The following SYTL3 variants were observed in gnomAD, a reference collection of about 807,000 sequenced individuals.
SYTL3 encodes the protein synaptotagmin like 3, also known as synaptotagmin-like protein 3.
A neutral mutation model predicts 82.1 loss-of-function variants in SYTL3; 88 were observed. The observed-to-expected ratio is 1.07, with a 90% CI of 0.90 to 1.28. The LOEUF is 1.28. SYTL3 is among the 50% of genes most tolerant of loss of function. SYTL3 has a pLI of 0.00. For missense variants in SYTL3, 831 were observed against 757.6 expected (o/e 1.10, Z -1.14); for synonymous variants, 311 against 289.4 (o/e 1.07, Z -0.76).
chr6:158,654,540 A>G (rs1438092152), intron 2 of SYTL3, among the ~76,000 whole-genome samples: 3 of 151,926 alleles, frequency 2.0e-5, no homozygotes, highest in Non-Finnish European at 2.9e-5. Flanking sequence ...TTAACTTCCT[A>G]CTCTTGGGCC....
At chr6:158,660,580 C>T (rs1329683940) in intron 2 of SYTL3, among the ~76,000 whole-genome samples, 11 of 152,160 alleles carry the variant, frequency 7.2e-5, no homozygotes, top group East Asian at 3.9e-4. Context: ...TATGAGCGAG[C>T]GGTTGAGTAT....
intron 9 of SYTL3, among the ~76,000 whole-genome samples, chr6:158,717,725 T>A (rs1783587197): frequency 6.6e-6 from 1 of 152,126 alleles, no homozygotes; most frequent in African/African-American, 2.4e-5. Flanking sequence ...AGCCGGCTTG[T>A]TTGGTAGGCT....
chr6:158,744,206 C>T (rs1787294343), intron 11 of SYTL3, among the ~76,000 whole-genome samples: 1 of 151,594 alleles, frequency 6.6e-6, no homozygotes, highest in Non-Finnish European at 1.5e-5. Flanking sequence ...GGTGAGCCAC[C>T]ACGCCTGGTC....
chr6:158,672,585 C>G (rs1036606492), intron 5 of SYTL3, among the ~76,000 whole-genome samples: 2 of 144,880 alleles, frequency 1.4e-5, no homozygotes, highest in Non-Finnish European at 3.0e-5. Flanking sequence ...GAGACTGCAG[C>G]CTTATTCTCT....
chr6:158,718,161 CAG>C lies in SYTL3; in HGVS notation c.672_673del (p.Gln224HisfsTer8). The C allele has an allele frequency of 6.5e-7, 1 of 1,546,134 alleles. No homozygotes were observed. Among genetic ancestry groups the C allele is most frequent in the Non-Finnish European group, 8.7e-7 (1 of 1,144,792 alleles). ...LATGPRQCVG[Q>X]TERRSQSDTA... ...CACGGGCCCCAGGCAGTGTGTGGGA[CAG>C]ACAGAGAGACGGAGCCAGTCTGACA... On this transcript the variant is annotated frameshift_variant, in exon 10 of 18. Coordinates refer to ENST00000611299, the MANE Select transcript of SYTL3 (RefSeq NM_001242394.2). LOFTEE classifies it high-confidence loss of function.
intron 15 of SYTL3, among the ~76,000 whole-genome samples, chr6:158,761,794 C>G (rs1790009913): frequency 6.6e-6 from 1 of 152,214 alleles, no homozygotes; most frequent in African/African-American, 2.4e-5. Context: ...TAGACTCAAA[C>G]TTCGGCATCT....
At chr6:158,706,249 C>T (rs1782077780) in intron 6 of SYTL3, among the ~76,000 whole-genome samples, 1 of 152,144 alleles carries the variant, frequency 6.6e-6, no homozygotes. Context: ...CCTGCACTCG[C>T]TATGGCCAGC....
chr6:158,653,653 GA>G (rs1283918853), intron 2 of SYTL3, among the ~76,000 whole-genome samples: 1 of 152,204 alleles, frequency 6.6e-6, no homozygotes, highest in African/African-American at 2.4e-5. Flanking sequence ...ACTTCTCAAG[GA>G]AATAGCTGTG....
intron 6 of SYTL3, among the ~76,000 whole-genome samples, chr6:158,698,573 C>A (rs1374564645): frequency 6.6e-6 from 1 of 152,090 alleles, no homozygotes; most frequent in African/African-American, 2.4e-5. Context: ...CACTCTAACC[C>A]CTGGTTTTGC....
chr6:158,739,491 T>C (rs890321781), intron 11 of SYTL3, among the ~76,000 whole-genome samples: 2 of 152,220 alleles, frequency 1.3e-5, no homozygotes, highest in African/African-American at 2.4e-5. Flanking sequence ...TCTTCAAATA[T>C]AGCTTCTGCC....
chr6:158,753,900 C>T (rs1047623114), intron 13 of SYTL3, among the ~76,000 whole-genome samples: 6 of 151,616 alleles, frequency 4.0e-5, no homozygotes, highest in East Asian at 1.9e-4. Context: ...TTAAAATAAT[C>T]GGCATCTCTA....
chr6:158,695,211 A>T (rs1478604519), intron 6 of SYTL3, among the ~76,000 whole-genome samples: 1 of 152,238 alleles, frequency 6.6e-6, no homozygotes, highest in African/African-American at 2.4e-5. Flanking sequence ...CAAAAAATTT[A>T]CAGAAAAAGT....
chr6:158,717,151 G>A (rs1783516101), intron 9 of SYTL3, among the ~76,000 whole-genome samples: 1 of 151,626 alleles, frequency 6.6e-6, no homozygotes, highest in Non-Finnish European at 1.5e-5. Flanking sequence ...ACACACACCT[G>A]TAATCCCAGC....
Position 158,706,010 on chromosome 6 carries a change from G to A in SYTL3, c.395-1220G>A, listed in dbSNP as rs534242236. Among the ~76,000 whole-genome samples, 9 of 152,250 alleles carry A rather than the reference G, an allele frequency of 5.9e-5. No individual in the cohort carries two copies. In the South Asian group the frequency reaches 1.4e-3, roughly 25 times the overall value. ...GTTTTCTCTCAGGGGGCTCCTGCAG[G>A]TGCTAGCTTTGGTCCCTGACCAGCT... is the stretch of plus-strand genomic sequence containing the variant. On this transcript the variant is annotated intron_variant, in intron 6 of 17. Coordinates refer to ENST00000611299, the MANE Select transcript of SYTL3 (RefSeq NM_001242394.2).
At chr6:158,672,358 T>C (rs1205852064) in intron 5 of SYTL3, among the ~76,000 whole-genome samples, 1 of 152,070 alleles carries the variant, frequency 6.6e-6, no homozygotes. Context: ...TATTTGAGAG[T>C]TGCTTTCCGT....
At chr6:158,731,770 T>C (rs1785451199) in intron 11 of SYTL3, among the ~76,000 whole-genome samples, 1 of 152,086 alleles carries the variant, frequency 6.6e-6, no homozygotes, top group South Asian at 2.1e-4. Context: ...ATTTTTTGTA[T>C]TTTTAGTAGA....
rs200432333 is a variant in SYTL3, at chr6:158,708,436, T to C, written c.516+45T>C. ...CACTTCTCTAGTAGGGGTCAGGGGATAGAAGGAGAGGAAGCAGGGGAGCTT... is the reference window on the plus strand; with the variant it reads ...CACTTCTCTAGTAGGGGTCAGGGGACAGAAGGAGAGGAAGCAGGGGAGCTT... On this transcript the variant is annotated intron_variant, in intron 8 of 17. Transcript: ENST00000611299. 2.6e-3 allele frequency: 4,042 copies of C among 1,567,678 alleles called. 4 individuals carry two copies. Among genetic ancestry groups the C allele is most frequent in the Non-Finnish European group, 3.3e-3 (3,791 of 1,139,430 alleles).
intron 2 of SYTL3, among the ~76,000 whole-genome samples, chr6:158,655,081 G>A (rs1392473414): frequency 6.6e-6 from 1 of 152,156 alleles, no homozygotes; most frequent in Non-Finnish European, 1.5e-5. Flanking sequence ...TGGAGTGACC[G>A]AATAAATGTC....
intron 11 of SYTL3, among the ~76,000 whole-genome samples, chr6:158,729,920 A>C (rs1785200466): frequency 6.6e-6 from 1 of 152,032 alleles, no homozygotes; most frequent in Admixed American, 6.6e-5. Context: ...AATAAATGTT[A>C]AAAATAATAA....
Sources: allele counts gnomAD v4.1 joint callset (sites outside exome capture counted in the v4.1 genomes callset), GRCh38; gene constraint gnomAD v4.1.1; transcripts MANE v1.5; gene names NCBI Gene and HGNC (gene_info 2026-07-23, HGNC 2026-07-21).